ATP6V1E1: variants seen among roughly 807,000 people sequenced by gnomAD.
The protein encoded by ATP6V1E1 is V-type proton ATPase subunit E 1.
Under a neutral mutation model 35.2 loss-of-function variants are expected in ATP6V1E1, and 21 were observed. That is an observed-to-expected ratio of 0.60 (90% CI 0.42 to 0.86). The LOEUF is 0.86. Ranked by LOEUF, ATP6V1E1 falls within the 40% of genes least tolerant of loss-of-function variation. The pLI is 0.00. For missense variants in ATP6V1E1, 183 were observed against 272.6 expected, an observed-to-expected ratio of 0.67 and a Z score of 2.32; for synonymous variants, 83 against 87.8, an observed-to-expected ratio of 0.95 and a Z score of 0.30.
At chr22:17,605,659 T>C (rs1290055844) in intron 4 of ATP6V1E1, among the ~76,000 whole-genome samples, 2 of 151,986 alleles carry the variant, frequency 1.3e-5, no homozygotes, top group Non-Finnish European at 2.9e-5. Flanking sequence ...GGTGATCTAA[T>C]TTTTTTCTAA....
intron 1 of ATP6V1E1, among the ~76,000 whole-genome samples, chr22:17,620,685 T>C (rs890359162): frequency 8.5e-5 from 13 of 152,302 alleles, no homozygotes; most frequent in African/African-American, 2.6e-4. Flanking sequence ...TCTCAGGGAT[T>C]AGCACCAACA....
In ATP6V1E1 at chr22:17,609,570, G is replaced by A. The variant is rs564897446; in HGVS notation, c.276+3242C>T. On this transcript the variant is annotated intron_variant, in intron 4 of 8. Transcript: ENST00000253413. ...TGCAAGCTCGGCCTCCTGGGTTCAC[G>A]CCTTTCTCCTGCCTCAGCCTCCCGA... 2.1e-4 allele frequency among the ~76,000 whole-genome samples: 31 copies of A among 146,660 alleles called. 1 individual carries two copies. The South Asian group carries it at 4.3e-3, about 20-fold the overall frequency.
At chr22:17,606,049 CG>C (rs1569205467) in intron 4 of ATP6V1E1, among the ~76,000 whole-genome samples, 1 of 152,040 alleles carries the variant, frequency 6.6e-6, no homozygotes, top group Non-Finnish European at 1.5e-5. Context: ...ATGGTAAAAA[CG>C]GAACTTAAAC....
intron 1 of ATP6V1E1, among the ~76,000 whole-genome samples, chr22:17,626,490 T>A (rs1329665653): frequency 6.6e-6 from 1 of 151,506 alleles, no homozygotes. Context: ...TTCTCCCACA[T>A]CAGCCTCCCT....
intron 6 of ATP6V1E1, among the ~76,000 whole-genome samples, chr22:17,599,375 G>A (rs954281514): frequency 6.6e-6 from 1 of 151,080 alleles, no homozygotes; most frequent in Non-Finnish European, 1.5e-5. Flanking sequence ...AGGAGTTTGA[G>A]ACCAGCCTGG....
chr22:17,608,603 T>C (rs111786431), intron 4 of ATP6V1E1, among the ~76,000 whole-genome samples: 4 of 152,108 alleles, frequency 2.6e-5, no homozygotes, highest in Non-Finnish European at 5.9e-5. Flanking sequence ...TTTTTAAAAA[T>C]TTTTTGTACA....
chr22:17,596,024 C>T (rs760414219), intron 7 of ATP6V1E1, among the ~76,000 whole-genome samples: 7 of 151,410 alleles, frequency 4.6e-5, no homozygotes, highest in East Asian at 1.9e-4. Context: ...CCCAGCTAAT[C>T]GGGAGGCTAA....
At chr22:17,597,984 A>T in intron 7 of ATP6V1E1, 1 of 533,532 alleles carries the variant, frequency 1.9e-6, no homozygotes, top group Non-Finnish European at 3.3e-6. Context: ...GCCAAACTAG[A>T]CTTTTAGAGT....
chr22:17,612,911 A>T, intron 3 of ATP6V1E1, 33 bp from the exon 4 acceptor site: 1 of 1,564,892 alleles, frequency 6.4e-7, no homozygotes, highest in Non-Finnish European at 8.7e-7. Context: ...AGCATTAGTA[A>T]CAACTTAAAA....
At chr22:17,606,376 AG>A (rs1319594491) in intron 4 of ATP6V1E1, among the ~76,000 whole-genome samples, 1 of 65,332 alleles carries the variant, frequency 1.5e-5, no homozygotes, top group African/African-American at 6.9e-5. Flanking sequence ...GCTTTTATGC[AG>A]ATTGAATCCT....
intron 2 of ATP6V1E1, among the ~76,000 whole-genome samples, chr22:17,616,095 C>T (rs2146311552): frequency 6.6e-6 from 1 of 152,050 alleles, no homozygotes; most frequent in East Asian, 1.9e-4. Context: ...CGCCTGTAAT[C>T]CCAGCACTTT....
intron 2 of ATP6V1E1, among the ~76,000 whole-genome samples, chr22:17,618,373 G>A (rs1793386366): frequency 6.6e-6 from 1 of 151,968 alleles, no homozygotes; most frequent in African/African-American, 2.4e-5. Context: ...ATTTATTAAG[G>A]TAAAATTTAA....
At chr22:17,613,142 G>T in intron 3 of ATP6V1E1, 69 bp downstream of exon 3, 2 of 1,346,666 alleles carry the variant, frequency 1.5e-6, no homozygotes, top group South Asian at 1.2e-5. Flanking sequence ...ATATATGCCT[G>T]ACTCCAAAGC....
intron 1 of ATP6V1E1, among the ~76,000 whole-genome samples, chr22:17,625,522 C>G (rs1187157819): frequency 6.6e-6 from 1 of 152,144 alleles, no homozygotes; most frequent in African/African-American, 2.4e-5. Flanking sequence ...CTCAGGTGAT[C>G]TGCCCGCCTC....
intron 4 of ATP6V1E1, 64 bp from the exon 5 acceptor site, chr22:17,601,245 T>C (rs1201582299): frequency 7.3e-7 from 1 of 1,364,862 alleles, no homozygotes; most frequent in African/African-American, 1.4e-5. Flanking sequence ...GAACCCACTG[T>C]GAGGCTGATC....
intron 1 of ATP6V1E1, among the ~76,000 whole-genome samples, chr22:17,625,037 G>C (rs1002808795): frequency 5.3e-5 from 8 of 152,082 alleles, no homozygotes; most frequent in Admixed American, 6.6e-5. Flanking sequence ...AGAAGCAGAA[G>C]AAGCAGTGAA....
At chr22:17,600,377 A>C (rs1433252548) in intron 5 of ATP6V1E1, among the ~76,000 whole-genome samples, 1 of 152,140 alleles carries the variant, frequency 6.6e-6, no homozygotes, top group Non-Finnish European at 1.5e-5. Context: ...ACGGAGGTTG[A>C]AGTAAACAGA....
At chr22:17,620,019 T>A (rs962707601) in intron 1 of ATP6V1E1, among the ~76,000 whole-genome samples, 6 of 152,142 alleles carry the variant, frequency 3.9e-5, no homozygotes, top group Non-Finnish European at 5.9e-5. Flanking sequence ...AACACTGCAG[T>A]CTCACTTGCA....
intron 6 of ATP6V1E1, among the ~76,000 whole-genome samples, chr22:17,599,312 C>T (rs1296543358): frequency 6.7e-6 from 1 of 150,208 alleles, no homozygotes; most frequent in Non-Finnish European, 1.5e-5. Context: ...CACGGTGGCT[C>T]GCACCTGTAA....
Sources: gnomAD v4.1 joint callset for allele counts (sites outside exome capture counted in the v4.1 genomes callset) on GRCh38, gnomAD v4.1.1 for gene constraint, MANE v1.5 for transcripts, NCBI Gene and HGNC (gene_info 2026-07-23, HGNC 2026-07-21) for gene names.